The following TLN2 variants were observed in gnomAD, a reference collection of about 807,000 sequenced individuals.
TLN2 encodes talin 2.
In TLN2, 118 loss-of-function variants were observed where a neutral mutation model predicts 294.7. The ratio of observed to expected loss-of-function variants is 0.40; its 90% CI spans 0.34 to 0.47. TLN2 has a LOEUF of 0.47. Among genes scored for constraint, TLN2 ranks in the 20% least tolerant of loss-of-function variants. The pLI, the probability that TLN2 is intolerant of heterozygous loss-of-function variation, is 0.84. For missense variants in TLN2, 3,083 were observed against 3,282.2 expected (o/e 0.94, Z 1.48); for synonymous variants, 1,431 against 1,304.5 (o/e 1.10, Z -2.09).
At chr15:62,702,619 T>A in intron 18 of TLN2, 147 bp from the exon 19 acceptor site, 1 of 720,108 alleles carries the variant, frequency 1.4e-6, no homozygotes, top group Admixed American at 2.3e-5. Flanking sequence ...TTCACCGGGA[T>A]GTCTTCTATC....
chr15:62,812,432 G>A (rs79835109), intron 52 of TLN2, among the ~76,000 whole-genome samples: 3,323 of 152,264 alleles, frequency 0.022, 82 homozygotes, highest in South Asian at 0.12. Flanking sequence ...CACTGTGTGG[G>A]GTCTGCCTGC....
intron 52 of TLN2, among the ~76,000 whole-genome samples, chr15:62,813,208 G>T (rs952160975): frequency 6.6e-6 from 1 of 152,158 alleles, no homozygotes; most frequent in African/African-American, 2.4e-5. Flanking sequence ...ATTCTTCCTT[G>T]TATTTTTTGT....
At chr15:62,562,428 C>T (rs2043041043) in intron 1 of TLN2, among the ~76,000 whole-genome samples, 1 of 152,194 alleles carries the variant, frequency 6.6e-6, no homozygotes, top group Admixed American at 6.5e-5. Context: ...AAGATGAAAT[C>T]ATACAGGTGC....
intron 5 of TLN2, among the ~76,000 whole-genome samples, chr15:62,650,447 A>C (rs1171588378): frequency 6.6e-6 from 1 of 152,208 alleles, no homozygotes; most frequent in East Asian, 1.9e-4. Flanking sequence ...GTGAGATAAG[A>C]TACAGCATCT....
In TLN2 at chr15:62,836,039, C is replaced by T; in HGVS notation, c.7340C>T (p.Ala2447Val). ...CTGCTGGTGGCCTGCAAGGTGAAGG[C>T]CGACCAGGATTCAGAGGCCATGAGG... ...AQLLVACKVK[A>V]DQDSEAMRRL... The change falls in exon 57 of 59, where the codon GCC becomes GTC. Residue 2447 changes from alanine (A) to valine (V), a missense_variant. Coordinates refer to ENST00000636159, the MANE Select transcript of TLN2 (RefSeq NM_015059.3). 6.2e-7 allele frequency: 1 copy of T among 1,612,110 alleles called. No individual in the cohort carries two copies. Among genetic ancestry groups the T allele is most frequent in the Non-Finnish European group, 8.5e-7 (1 of 1,179,152 alleles).
In TLN2 at chr15:62,736,955, G is replaced by C; in HGVS notation, c.3436G>C (p.Asp1146His). 2.5e-6 allele frequency: 4 copies of C among 1,614,144 alleles called. No individual in the cohort carries two copies. In the East Asian group the frequency reaches 8.9e-5, roughly 36 times the overall value. ...AARGVAASTT[D>H]PAAAHAMLDS... ...CCGTGGAGTGGCTGCATCGACAACC[G>C]ACCCCGCGGCCGCCCATGCCATGTT... Residue 1146 changes from aspartate to histidine, a missense_variant, in exon 29 of 59, where the codon GAC becomes CAC. Transcript: ENST00000636159.
At chr15:62,759,141 C>T (rs1244046042) in intron 37 of TLN2, among the ~76,000 whole-genome samples, 1 of 152,188 alleles carries the variant, frequency 6.6e-6, no homozygotes, top group Non-Finnish European at 1.5e-5. Flanking sequence ...CATGGAAACT[C>T]TCATGCTTGC....
intron 48 of TLN2, among the ~76,000 whole-genome samples, chr15:62,798,824 A>G (rs879759177): frequency 1.2e-4 from 18 of 152,106 alleles, no homozygotes; most frequent in Non-Finnish European, 7.4e-5. Flanking sequence ...TTATGCTACC[A>G]TTTCATCCTT....
chr15:62,659,613 A>T (rs1403976830), intron 9 of TLN2, among the ~76,000 whole-genome samples: 1 of 152,218 alleles, frequency 6.6e-6, no homozygotes, highest in African/African-American at 2.4e-5. Flanking sequence ...ATAATCTGAG[A>T]CCACAAGAGT....
At chr15:62,602,778 G>A (rs1294445195) in intron 2 of TLN2, among the ~76,000 whole-genome samples, 1 of 151,580 alleles carries the variant, frequency 6.6e-6, no homozygotes, top group East Asian at 1.9e-4. Flanking sequence ...CTTCCCAAAG[G>A]CCCCACCTCC....
At chr15:62,836,192 C>G (rs1311745334) in intron 57 of TLN2, 119 bp downstream of exon 57, 28 of 1,402,304 alleles carry the variant, frequency 2.0e-5, no homozygotes, top group Non-Finnish European at 2.5e-5. Context: ...CCAGCCCTGT[C>G]CACGTTCCAG....
At chr15:62,433,507 G>T (rs2035126972) in intron 1 of TLN2, among the ~76,000 whole-genome samples, 1 of 152,112 alleles carries the variant, frequency 6.6e-6, no homozygotes, top group African/African-American at 2.4e-5. Context: ...AATCTCAGGG[G>T]TGTGAATTCT....
intron 1 of TLN2, among the ~76,000 whole-genome samples, chr15:62,562,869 A>G (rs950635749): frequency 1.4e-5 from 2 of 147,408 alleles, no homozygotes; most frequent in African/African-American, 5.0e-5. Context: ...TGCAAATGCC[A>G]TTCATTCATT....
At chr15:62,524,434 T>C (rs2040626894) in intron 1 of TLN2, among the ~76,000 whole-genome samples, 1 of 152,064 alleles carries the variant, frequency 6.6e-6, no homozygotes, top group South Asian at 2.1e-4. Context: ...CTCATCGGGG[T>C]GCTGAGACAG....
intron 34 of TLN2, 59 bp from the exon 35 acceptor site, chr15:62,752,246 T>TGG: frequency 6.3e-7 from 1 of 1,598,676 alleles, no homozygotes; most frequent in East Asian, 2.3e-5. Flanking sequence ...GTAGCCTCCT[T>TGG]TACCCCTTGG....
rs747235929 is a variant in TLN2 at position 62,702,213 on chromosome 15, G to T, written c.1905+13G>T. 9.5e-6 allele frequency: 15 copies of T among 1,571,280 alleles called. No homozygotes were observed. The East Asian group carries it at 3.2e-4, about 34-fold the overall frequency. On this transcript the variant is annotated intron_variant, in intron 18 of 58. Coordinates refer to ENST00000636159, the MANE Select transcript of TLN2 (RefSeq NM_015059.3). ...TACTTCTGGAGAGGTAAGCTCCAGA[G>T]GCAAGCAATCACTCAGGTTCTGATG... is the stretch of plus-strand genomic sequence containing the variant.
chr15:62,504,761 G>C (rs1193961157), intron 1 of TLN2, among the ~76,000 whole-genome samples: 2 of 152,044 alleles, frequency 1.3e-5, no homozygotes, highest in Non-Finnish European at 2.9e-5. Flanking sequence ...GGAGGAGCCA[G>C]AGTGCTAAGT....
intron 35 of TLN2, among the ~76,000 whole-genome samples, 187 bp from the exon 36 acceptor site, chr15:62,753,586 A>G (rs146831270): frequency 1.3e-5 from 2 of 152,344 alleles, no homozygotes; most frequent in Non-Finnish European, 2.9e-5. Context: ...TACTTCTGGT[A>G]TGTCAAGCTG....
At chr15:62,654,565 C>G (rs1024082209) in intron 7 of TLN2, among the ~76,000 whole-genome samples, 1 of 151,664 alleles carries the variant, frequency 6.6e-6, no homozygotes, top group African/African-American at 2.4e-5. Context: ...ACCAGCCTGA[C>G]CAACACGGTG....
Sources: allele counts gnomAD v4.1 joint callset (sites outside exome capture counted in the v4.1 genomes callset), GRCh38; gene constraint gnomAD v4.1.1; transcripts MANE v1.5; gene names NCBI Gene and HGNC (gene_info 2026-07-23, HGNC 2026-07-21).